Variants in CACNA1A observed in about 807,000 individuals in gnomAD.
The protein encoded by CACNA1A is calcium voltage-gated channel subunit alpha1 A, also known as voltage-dependent P/Q-type calcium channel subunit alpha-1A.
A neutral mutation model predicts 262.4 loss-of-function variants in CACNA1A; 57 were observed. The ratio of observed to expected loss-of-function variants is 0.22; its 90% confidence interval spans 0.18 to 0.27. The LOEUF (loss-of-function observed/expected upper bound fraction) is 0.27. Ranked by LOEUF, CACNA1A falls within the 10% of genes least tolerant of loss-of-function variation. The pLI, the probability that CACNA1A is intolerant of heterozygous loss-of-function variation, is 1.00. For missense variants in CACNA1A, 2,526 were observed against 3,562.8 expected (o/e 0.71, Z 7.41); for synonymous variants, 1,431 against 1,419.3 (o/e 1.01, Z -0.18).
At chr19:13,310,795 CT>C (rs747620000) in intron 12 of CACNA1A, among the ~76,000 whole-genome samples, 168 of 142,524 alleles carry the variant, frequency 1.2e-3, no homozygotes, top group South Asian at 3.6e-3. Flanking sequence ...TAAAATTTTT[CT>C]TTTTTTTTTT....
chr19:13,304,758 T>C (rs988409177), intron 15 of CACNA1A, among the ~76,000 whole-genome samples: 4 of 151,166 alleles, frequency 2.6e-5, no homozygotes, highest in African/African-American at 9.7e-5. Flanking sequence ...ATCTGCAAGC[T>C]AGGAAGAGGG....
At chr19:13,287,605 G>A (rs1016788896) in intron 19 of CACNA1A, among the ~76,000 whole-genome samples, 2 of 151,968 alleles carry the variant, frequency 1.3e-5, no homozygotes, top group African/African-American at 4.8e-5. Flanking sequence ...AGGTTCAAGC[G>A]ATTCTCTTGC....
chr19:13,365,405 G>A lies in CACNA1A; in HGVS notation c.696C>T (p.Leu232=), dbSNP rs1399499249. The A allele has an allele frequency of 1.2e-6, 2 of 1,613,554 alleles. No individual in the cohort carries two copies. Among genetic ancestry groups the A allele is most frequent in the Non-Finnish European group, 8.5e-7 (1 of 1,179,718 alleles). Residue 232 remains leucine, a synonymous_variant, in exon 5 of 47, where the codon CTC becomes CTT. Transcript: ENST00000360228. ...CAAAAATAAGGATTGCAAAAAATAG[G>A]AGGAGGCCGATCTGCAGCAAAGGGA... is the stretch of plus-strand genomic sequence containing the variant. The part of the protein sequence containing the change: ...AMIPLLQIGL[L]LFFAILIFAI...
At chr19:13,298,135 T>A (rs1227899438) in intron 19 of CACNA1A, among the ~76,000 whole-genome samples, 4 of 139,880 alleles carry the variant, frequency 2.9e-5, no homozygotes, top group Admixed American at 7.2e-5. Context: ...ATACAGCACT[T>A]TTTTTTTTTT....
chr19:13,218,073 G>T (rs1203826122), intron 38 of CACNA1A, among the ~76,000 whole-genome samples: 1 of 151,832 alleles, frequency 6.6e-6, no homozygotes, highest in African/African-American at 2.4e-5. Context: ...ACTGTACCCG[G>T]CCAATACAGT....
At chr19:13,370,874 C>T (rs573575322) in intron 4 of CACNA1A, 2 of 152,178 alleles carry the variant, frequency 1.3e-5, no homozygotes, top group Admixed American at 6.5e-5. Flanking sequence ...CATGAGCCAC[C>T]ATGCCTGGCT....
At chr19:13,270,734 G>A (rs1737185701) in intron 24 of CACNA1A, among the ~76,000 whole-genome samples, 1 of 152,144 alleles carries the variant, frequency 6.6e-6, no homozygotes, top group African/African-American at 2.4e-5. Context: ...AGTACCAGAT[G>A]GACTCTTGAC....
intron 4 of CACNA1A, chr19:13,371,465 T>C (rs1221328883): frequency 7.3e-6 from 4 of 547,012 alleles, no homozygotes; most frequent in South Asian, 2.7e-5. Context: ...CGATAGACAG[T>C]AGGTGCTCAA....
chr19:13,467,417 G>C (rs369762434), intron 1 of CACNA1A, among the ~76,000 whole-genome samples: 1 of 151,914 alleles, frequency 6.6e-6, no homozygotes, highest in Non-Finnish European at 1.5e-5. Flanking sequence ...GAAGGTCAAG[G>C]CTGCAGTGAG....
chr19:13,233,029 A>C (rs2055728170), intron 34 of CACNA1A, among the ~76,000 whole-genome samples: 1 of 151,710 alleles, frequency 6.6e-6, no homozygotes, highest in Non-Finnish European at 1.5e-5. Context: ...AGCCTGGGCA[A>C]CAAGACCGAA....
chr19:13,302,073 T>C (rs2057799340), intron 17 of CACNA1A, among the ~76,000 whole-genome samples: 1 of 152,164 alleles, frequency 6.6e-6, no homozygotes, highest in Non-Finnish European at 1.5e-5. Context: ...TTCAAGCAAC[T>C]GGTACACAGC....
At chr19:13,413,508 GCT>G (rs1266192180) in intron 3 of CACNA1A, among the ~76,000 whole-genome samples, 1 of 148,480 alleles carries the variant, frequency 6.7e-6, no homozygotes, top group Admixed American at 6.8e-5. Flanking sequence ...GGAGGTCACG[GCT>G]GCAGAAAGTG....
chr19:13,217,844 G>A (rs559055696), intron 38 of CACNA1A, among the ~76,000 whole-genome samples: 14 of 151,908 alleles, frequency 9.2e-5, no homozygotes, highest in African/African-American at 3.4e-4. Flanking sequence ...CTCCTGGGAG[G>A]TGATCTCTAA....
chr19:13,329,645 G>A lies in CACNA1A; in HGVS notation c.1345+599C>T, dbSNP rs368515879. The stretch of plus-strand genomic sequence containing the variant: ...CTGGAACTACAGGCTAATTTTTTTC[G>A]TATTTTTAGTAGAGCCAGGGTTTCA... On this transcript the variant is annotated intron_variant, in intron 10 of 46. Transcript: ENST00000360228. Among the ~76,000 whole-genome samples, 5 of 151,058 alleles carry A rather than the reference G, an allele frequency of 3.3e-5. 1 individual carries two copies. Among genetic ancestry groups the A allele is most frequent in the South Asian group, 4.2e-4 (2 of 4,772 alleles).
chr19:13,341,791 T>C (rs1198335053), intron 6 of CACNA1A, among the ~76,000 whole-genome samples: 1 of 152,216 alleles, frequency 6.6e-6, no homozygotes, highest in South Asian at 2.1e-4. Context: ...TCACCGCCTA[T>C]ATACTTTACT....
intron 3 of CACNA1A, among the ~76,000 whole-genome samples, chr19:13,436,398 G>A (rs2144855410): frequency 6.6e-6 from 1 of 152,314 alleles, no homozygotes; most frequent in African/African-American, 2.4e-5. Flanking sequence ...CAGAACAACA[G>A]GACTGGAATT....
chr19:13,503,821 A>G (rs956749872), intron 1 of CACNA1A, among the ~76,000 whole-genome samples: 2 of 152,080 alleles, frequency 1.3e-5, no homozygotes, highest in African/African-American at 2.4e-5. Context: ...CAAACTCATC[A>G]TAAGAGCAAG....
chr19:13,266,208 T>C (rs1198196957), intron 24 of CACNA1A, among the ~76,000 whole-genome samples: 1 of 152,074 alleles, frequency 6.6e-6, no homozygotes, highest in Non-Finnish European at 1.5e-5. Context: ...GTGGATAATA[T>C]AGTTTCCTTT....
chr19:13,332,785 G>C (rs2058488673), intron 9 of CACNA1A, 84 bp downstream of exon 9: 8 of 836,576 alleles, frequency 9.6e-6, no homozygotes, highest in Non-Finnish European at 1.6e-5. Flanking sequence ...CTTAGAACCA[G>C]TCACCTGCTC....
Sources: gnomAD v4.1 joint callset for allele counts (sites outside exome capture counted in the v4.1 genomes callset) on GRCh38, gnomAD v4.1.1 for gene constraint, MANE v1.5 for transcripts, NCBI Gene and HGNC (gene_info 2026-07-23, HGNC 2026-07-21) for gene names.